The following RAD51B variants were observed in gnomAD, a reference collection of about 807,000 sequenced individuals.
RAD51B encodes the protein DNA repair protein RAD51 homolog 2.
A neutral mutation model predicts 42.2 loss-of-function variants in RAD51B; 38 were observed. The observed-to-expected ratio is 0.90, with a 90% CI of 0.70 to 1.18. The LOEUF is 1.18. Ranked by LOEUF, RAD51B falls within the 50% of genes most tolerant of loss-of-function variation. The probability of loss-of-function intolerance (pLI) is 0.00; values close to 1 mark genes in which losing one functional copy is unlikely to be tolerated. For missense variants in RAD51B, 373 were observed against 400.7 expected, an observed-to-expected ratio of 0.93 and a Z score of 0.59; for synonymous variants, 154 against 145.2, an observed-to-expected ratio of 1.06 and a Z score of -0.43.
chr14:68,480,838 G>A (rs549014532), downstream of RAD51B, among the ~76,000 whole-genome samples: 23 of 152,290 alleles, frequency 1.5e-4, no homozygotes, highest in Middle Eastern at 3.4e-3. Flanking sequence ...GCTGTCTTGA[G>A]TTCCCCAACC....
intron 7 of RAD51B, among the ~76,000 whole-genome samples, chr14:68,167,509 C>G (rs1448907628): frequency 6.6e-6 from 1 of 152,104 alleles, no homozygotes; most frequent in Non-Finnish European, 1.5e-5. Flanking sequence ...CAACGTCCAG[C>G]TCAGTGGTTG....
intron 8 of RAD51B, among the ~76,000 whole-genome samples, chr14:68,336,516 G>T (rs1327012721): frequency 6.6e-6 from 1 of 152,174 alleles, no homozygotes; most frequent in African/African-American, 2.4e-5. Context: ...GAGTCCCTGG[G>T]GGTGTTACTG....
At chr14:67,966,034 T>C (rs2074770829) in intron 7 of RAD51B, among the ~76,000 whole-genome samples, 2 of 152,202 alleles carry the variant, frequency 1.3e-5, no homozygotes, top group South Asian at 4.1e-4. Flanking sequence ...CCTTCCTATT[T>C]ATACAGCCAA....
chr14:68,187,981 A>C (rs1346337063), intron 7 of RAD51B, among the ~76,000 whole-genome samples: 2 of 151,806 alleles, frequency 1.3e-5, no homozygotes, highest in African/African-American at 4.8e-5. Context: ...TGGCCAGCTA[A>C]TTTTTGTATT....
intron 7 of RAD51B, among the ~76,000 whole-genome samples, chr14:68,192,165 G>A (rs2079281106): frequency 1.3e-5 from 2 of 152,154 alleles, no homozygotes; most frequent in South Asian, 2.1e-4. Context: ...AATATAAGGA[G>A]TTTTGTTGGT....
At position 68,442,640 on chromosome 14, in the gene RAD51B, C is replaced by T. The variant is rs2085327899; in HGVS notation, c.958-25532C>T. Among the ~76,000 whole-genome samples the T allele has an allele frequency of 2.0e-5, 3 of 151,670 alleles. No homozygotes were observed. The South Asian group carries it at 6.2e-4, about 32-fold the overall frequency. ...ATTTTTAGTAGACATGGGGTTTCAC[C>T]ATGTTGGCCAGCATGGTCTCAATCT... On this transcript the variant is annotated intron_variant, in intron 9 of 10. Coordinates refer to ENST00000471583, the MANE Select transcript of RAD51B (RefSeq NM_133510.4).
At chr14:68,274,106 G>A (rs1050931486) in intron 7 of RAD51B, among the ~76,000 whole-genome samples, 2 of 152,002 alleles carry the variant, frequency 1.3e-5, no homozygotes, top group African/African-American at 4.8e-5. Context: ...ATTTCTAACT[G>A]ATATGCTTGA....
intron 9 of RAD51B, among the ~76,000 whole-genome samples, chr14:68,414,431 T>C (rs998210689): frequency 6.6e-6 from 1 of 152,186 alleles, no homozygotes; most frequent in African/African-American, 2.4e-5. Context: ...GACATGTTCT[T>C]AGAGTAGAAT....
intron 4 of RAD51B, among the ~76,000 whole-genome samples, chr14:67,860,706 T>G (rs2042136267): frequency 6.6e-6 from 1 of 152,188 alleles, no homozygotes; most frequent in Non-Finnish European, 1.5e-5. Flanking sequence ...AGTATAGTCA[T>G]AGTATAGTAT....
intron 7 of RAD51B, among the ~76,000 whole-genome samples, chr14:68,112,095 A>T (rs1284409912): frequency 6.6e-6 from 1 of 152,072 alleles, no homozygotes; most frequent in African/African-American, 2.4e-5. Flanking sequence ...CTTTAAAGGA[A>T]TTTTTAAAAG....
intron 5 of RAD51B, among the ~76,000 whole-genome samples, chr14:67,875,919 A>G (rs1045090677): frequency 7.9e-5 from 12 of 152,298 alleles, no homozygotes; most frequent in South Asian, 4.1e-4. Context: ...GGAATCTTTG[A>G]CCCAGAAAGA....
intron 8 of RAD51B, among the ~76,000 whole-genome samples, chr14:68,311,028 T>C (rs1162457968): frequency 1.3e-5 from 2 of 151,990 alleles, no homozygotes; most frequent in African/African-American, 2.4e-5. Context: ...GGATGCAGAG[T>C]AGATTGTCGG....
chr14:68,318,941 C>T (rs2082110464), intron 8 of RAD51B, among the ~76,000 whole-genome samples: 1 of 152,174 alleles, frequency 6.6e-6, no homozygotes, highest in Admixed American at 6.5e-5. Context: ...TTACAAGTAT[C>T]ATGTCTTAAA....
chr14:68,623,878 A>G (rs1892010418), intron 10 of RAD51B, among the ~76,000 whole-genome samples: 1 of 152,238 alleles, frequency 6.6e-6, no homozygotes. Context: ...GAAAGATCAA[A>G]TGTCTTCTTT....
rs1054940523 is a variant in RAD51B at position 68,459,398 on chromosome 14, C to A, written c.958-8774C>A. Among the ~76,000 whole-genome samples, 36 of 152,186 alleles carry A rather than the reference C, an allele frequency of 2.4e-4. 1 individual carries two copies. Among genetic ancestry groups the A allele is most frequent in the African/African-American group, 8.4e-4 (35 of 41,436 alleles). On this transcript the variant is annotated intron_variant, in intron 9 of 10. Transcript: ENST00000471583. Reference sequence around the variant, plus strand: ...AAACCCTGGCATGAAGGATTTCTGTCGCAGACACTTGGCATAGCTAGAGGA... The same window carrying A: ...AAACCCTGGCATGAAGGATTTCTGTAGCAGACACTTGGCATAGCTAGAGGA...
At chr14:68,276,789 A>G (rs1169313343) in intron 7 of RAD51B, among the ~76,000 whole-genome samples, 1 of 152,200 alleles carries the variant, frequency 6.6e-6, no homozygotes, top group Non-Finnish European at 1.5e-5. Flanking sequence ...GTCATCTGTA[A>G]GACATATTTA....
intron 7 of RAD51B, among the ~76,000 whole-genome samples, chr14:67,890,891 G>T (rs2140064830): frequency 6.6e-6 from 1 of 151,948 alleles, no homozygotes; most frequent in Middle Eastern, 3.4e-3. Flanking sequence ...GACCTTTGTA[G>T]TATGCCATCT....
chr14:68,611,428 C>A (rs1282413304), exon 11 of RAD51B: 2 of 601,692 alleles, frequency 3.3e-6, no homozygotes, highest in Non-Finnish European at 5.9e-6. Flanking sequence ...CCCACTCCTA[C>A]AACCCTTGAT....
chr14:67,980,810 G>C (rs2075077584), intron 7 of RAD51B, among the ~76,000 whole-genome samples: 1 of 152,130 alleles, frequency 6.6e-6, no homozygotes, highest in African/African-American at 2.4e-5. Context: ...GAAAGTCTTT[G>C]TTATCTTGAG....
Sources: gnomAD v4.1 joint callset for allele counts (sites outside exome capture counted in the v4.1 genomes callset) on GRCh38, gnomAD v4.1.1 for gene constraint, MANE v1.5 for transcripts, NCBI Gene and HGNC (gene_info 2026-07-23, HGNC 2026-07-21) for gene names.